ZNF30: variants seen among roughly 807,000 people sequenced by gnomAD.
The protein encoded by ZNF30 is zinc finger protein 30.
A neutral mutation model predicts 13.2 loss-of-function variants in ZNF30; 15 were observed. The observed-to-expected ratio is 1.13, with a 90% CI of 0.76 to 1.75. The LOEUF (loss-of-function observed/expected upper bound fraction) is 1.75, where lower values mean the gene tolerates loss of function less well. ZNF30 is among the 40% of genes most tolerant of loss of function. The pLI, the probability that ZNF30 is intolerant of heterozygous loss-of-function variation, is 0.00. For synonymous variants in ZNF30, 223 were observed against 256.6 expected (o/e 0.87, Z 1.25); for missense variants, 726 against 757.0 (o/e 0.96, Z 0.48).
chr19:34,942,451 AAAAG>A, intron 4 of ZNF30: 5 of 362,190 alleles, frequency 1.4e-5, no homozygotes, highest in South Asian at 2.7e-5. Flanking sequence ...TCCAAAAAAA[AAAAG>A]AAAAGAAAAA....
chr19:34,926,116 G>C (rs1241669929), upstream of ZNF30, among the ~76,000 whole-genome samples: 3 of 152,190 alleles, frequency 2.0e-5, no homozygotes, highest in African/African-American at 7.2e-5. Flanking sequence ...AGAGGTTACA[G>C]TAAGCCGAGA....
intron 3 of ZNF30, among the ~76,000 whole-genome samples, chr19:34,932,774 A>G (rs1457407931): frequency 1.3e-5 from 2 of 148,768 alleles, no homozygotes; most frequent in Non-Finnish European, 3.0e-5. Flanking sequence ...TCACAATGTC[A>G]TACTTTCTTT....
chr19:34,941,858 A>T (rs192292536), intron 4 of ZNF30, among the ~76,000 whole-genome samples: 1 of 150,758 alleles, frequency 6.6e-6, no homozygotes, highest in East Asian at 1.9e-4. Context: ...TTGTCTCAAT[A>T]TATCAAAGGA....
chr19:34,941,122 G>T (rs2013025846), intron 4 of ZNF30, among the ~76,000 whole-genome samples: 1 of 152,206 alleles, frequency 6.6e-6, no homozygotes. Context: ...TTGTGTCTTT[G>T]TGACATTGTC....
chr19:34,933,790 G>A (rs1304210327), intron 4 of ZNF30, 67 bp downstream of exon 4: 1 of 1,079,428 alleles, frequency 9.3e-7, no homozygotes, highest in South Asian at 1.4e-5. Context: ...CAGGGAGGAA[G>A]TGCATCTCTG....
Position 34,931,963 on chromosome 19 carries a change from T to C in ZNF30, c.130T>C (p.Leu44=), listed in dbSNP as rs2012476890. Residue 44 remains leucine (L), a synonymous_variant, in exon 3 of 5, where the codon TTG becomes CTG. Transcript: ENST00000601142. ...SQRGLYRDVM[L]ENYRNLVSMG... ...GAGGGGCTTGTACAGAGATGTGATG[T>C]TGGAGAACTACAGGAACTTGGTGTC... 1.2e-6 allele frequency: 2 copies of C among 1,602,060 alleles called. No individual in the cohort carries two copies. Among genetic ancestry groups the C allele is most frequent in the Non-Finnish European group, 1.7e-6 (2 of 1,176,254 alleles).
At chr19:34,928,508 T>A (rs1264075821) in intron 1 of ZNF30, among the ~76,000 whole-genome samples, 3 of 151,938 alleles carry the variant, frequency 2.0e-5, no homozygotes, top group African/African-American at 7.2e-5. Context: ...CTATTATAGT[T>A]GTTCTATTTT....
At chr19:34,929,168 A>T (rs2012300610) in intron 1 of ZNF30, among the ~76,000 whole-genome samples, 1 of 152,082 alleles carries the variant, frequency 6.6e-6, no homozygotes, top group Non-Finnish European at 1.5e-5. Flanking sequence ...AGTCCTAGCT[A>T]CTCGGGAGGG....
upstream of ZNF30, among the ~76,000 whole-genome samples, chr19:34,925,503 T>C (rs1010169017): frequency 2.6e-5 from 4 of 152,336 alleles, no homozygotes; most frequent in East Asian, 3.9e-4. Context: ...GCGTCTGTCA[T>C]GTCTTCTTCC....
chr19:34,940,284 G>T (rs1471309402), intron 4 of ZNF30, among the ~76,000 whole-genome samples: 1 of 152,116 alleles, frequency 6.6e-6, no homozygotes, highest in African/African-American at 2.4e-5. Context: ...CTGAAGATAG[G>T]CCGTTATCTT....
Position 34,927,003 on chromosome 19 carries a change from T to C in ZNF30, c.-278T>C. 2.5e-6 allele frequency: 1 copy of C among 398,632 alleles called. No individual in the cohort carries two copies. 24.7% of individuals were successfully genotyped at this position (398,632 alleles called of 1,614,324 possible). A position where few individuals can be genotyped will look rare whatever the true frequency, so the allele number is the denominator to read the frequency against. ...CCAATGTAGCCTGAAACTACATTTC[T>C]CAGCGGCCACTGGAACGACCTCAAT... On this transcript the variant is annotated 5_prime_UTR_variant, in exon 1 of 5. Coordinates refer to ENST00000601142, the MANE Select transcript of ZNF30 (RefSeq NM_194325.3).
At chr19:34,935,065 TA>T (rs1197631600) in intron 4 of ZNF30, among the ~76,000 whole-genome samples, 1 of 151,726 alleles carries the variant, frequency 6.6e-6, no homozygotes, top group African/African-American at 2.4e-5. Context: ...CCGTCTCTAC[TA>T]AAAAAATACA....
At chr19:34,932,972 G>A (rs1004721847) in intron 3 of ZNF30, among the ~76,000 whole-genome samples, 2 of 151,262 alleles carry the variant, frequency 1.3e-5, no homozygotes, top group Non-Finnish European at 2.9e-5. Flanking sequence ...ATAGAAACAG[G>A]GTTTCACCAT....
chr19:34,932,384 A>G (rs922924236), intron 3 of ZNF30, among the ~76,000 whole-genome samples: 2 of 152,184 alleles, frequency 1.3e-5, no homozygotes, highest in Admixed American at 6.5e-5. Context: ...TTTCATATAA[A>G]ATAATCTGAT....
chr19:34,931,318 A>C (rs1006305066), intron 2 of ZNF30, among the ~76,000 whole-genome samples: 2 of 152,186 alleles, frequency 1.3e-5, no homozygotes, highest in Non-Finnish European at 2.9e-5. Flanking sequence ...CCTTTAATAC[A>C]GATCCACAAG....
chr19:34,939,114 T>C (rs1037416885), intron 4 of ZNF30, among the ~76,000 whole-genome samples: 7 of 142,918 alleles, frequency 4.9e-5, no homozygotes, highest in Admixed American at 3.4e-4. Context: ...TACCTATCAG[T>C]GTCTTGTCTC....
intron 3 of ZNF30, 164 bp from the exon 4 acceptor site, chr19:34,933,464 C>T: frequency 4.2e-6 from 2 of 481,456 alleles, no homozygotes; most frequent in Non-Finnish European, 7.7e-6. Flanking sequence ...ATAAATAAAA[C>T]CGTTCTCTAC....
intron 2 of ZNF30, among the ~76,000 whole-genome samples, chr19:34,931,039 C>CTTTTTTTTT (rs56153327): frequency 3.3e-4 from 40 of 122,514 alleles, no homozygotes; most frequent in Admixed American, 4.2e-4. Context: ...TTCTTTTTTT[C>CTTTTTTTTT]TTTTTTTTTT....
At position 34,931,999 on chromosome 19, in the gene ZNF30, TGTACTTC is replaced by T; in HGVS notation, c.160+7_160+13del. ...CAGGAACTTGGTGTCAATGGGTAAG[TGTACTTC>T]TCTCAAATAATTGAGAATCTGCTCC... is the stretch of plus-strand genomic sequence containing the variant. On this transcript the variant is annotated splice_region_variant and intron_variant, in intron 3 of 4. Transcript: ENST00000601142. 6.4e-7 allele frequency: 1 copy of T among 1,564,302 alleles called. No individual in the cohort carries two copies. Among genetic ancestry groups the T allele is most frequent in the Non-Finnish European group, 8.6e-7 (1 of 1,160,644 alleles).
Sources: allele counts gnomAD v4.1 joint callset (sites outside exome capture counted in the v4.1 genomes callset), GRCh38; gene constraint gnomAD v4.1.1; transcripts MANE v1.5; gene names NCBI Gene and HGNC (gene_info 2026-07-23, HGNC 2026-07-21).